Variants in EDC3 observed in about 807,000 individuals in gnomAD.
EDC3 encodes the protein enhancer of mRNA-decapping protein 3.
EDC3 carries 20 observed loss-of-function variants against 41.8 expected under a neutral mutation model. The ratio of observed to expected loss-of-function variants is 0.48; its 90% CI spans 0.34 to 0.70. The LOEUF is 0.70. Among genes scored for constraint, EDC3 ranks in the 30% least tolerant of loss-of-function variants. EDC3 has a pLI of 0.01. For missense variants in EDC3, 444 were observed against 636.8 expected (o/e 0.70, Z 3.26); for synonymous variants, 206 against 243.2 (o/e 0.85, Z 1.42).
chr15:74,654,755 G>A (rs749399926), intron 4 of EDC3, among the ~76,000 whole-genome samples: 2 of 150,470 alleles, frequency 1.3e-5, no homozygotes, highest in African/African-American at 2.4e-5. Flanking sequence ...TATACTCAGC[G>A]AAACCAAATA....
At chr15:74,669,261 T>C (rs1404535575) in intron 3 of EDC3, among the ~76,000 whole-genome samples, 1 of 151,374 alleles carries the variant, frequency 6.6e-6, no homozygotes, top group East Asian at 1.9e-4. Flanking sequence ...GAGAATCTTT[T>C]GAACCCAGGA....
At chr15:74,656,098 G>A in intron 3 of EDC3, 30 bp from the exon 4 acceptor site, 1 of 1,579,268 alleles carries the variant, frequency 6.3e-7, no homozygotes, top group Non-Finnish European at 8.6e-7. Context: ...TAAAGTCAGT[G>A]TATCCACAGA....
intron 4 of EDC3, among the ~76,000 whole-genome samples, chr15:74,649,017 C>T (rs989640039): frequency 1.5e-4 from 23 of 151,572 alleles, no homozygotes; most frequent in African/African-American, 3.9e-4. Context: ...CTGTGCCTCC[C>T]GAGTAGCTGG....
chr15:74,659,485 GAAAT>G (rs2062595314), intron 3 of EDC3, among the ~76,000 whole-genome samples: 1 of 21,116 alleles, frequency 4.7e-5, no homozygotes, highest in Non-Finnish European at 7.9e-5. Context: ...ATAAAAAATA[GAAAT>G]ATATATATAT....
Position 74,675,044 on chromosome 15 carries a change from A to G in EDC3, c.81T>C (p.Ala27=). The G allele has an allele frequency of 6.2e-7, 1 of 1,614,136 alleles. No homozygotes were observed. The highest frequency in any genetic ancestry group is 8.5e-7 in the Non-Finnish European group (1 of 1,180,034). ...SLGVYQGRVS[A]VDQVSQTISL... ...AAATGGTCTGGCTGACCTGATCCAC[A>G]GCTGACACTCTTCCCTGATAGACAC... The change falls in exon 2 of 7, where the codon GCT becomes GCC. Residue 27 remains alanine (A), a synonymous_variant. Coordinates refer to ENST00000315127, the MANE Select transcript of EDC3 (RefSeq NM_025083.5).
chr15:74,648,709 A>G (rs908402444), intron 4 of EDC3, among the ~76,000 whole-genome samples: 4 of 152,268 alleles, frequency 2.6e-5, no homozygotes, highest in African/African-American at 9.6e-5. Flanking sequence ...CCTAAATCTC[A>G]GCGCACAGTG....
At chr15:74,682,191 G>A (rs546560984) in intron 1 of EDC3, among the ~76,000 whole-genome samples, 14 of 152,184 alleles carry the variant, frequency 9.2e-5, no homozygotes, top group South Asian at 8.3e-4. Context: ...GTGTGGTGGC[G>A]CACACCTGTA....
intron 4 of EDC3, among the ~76,000 whole-genome samples, chr15:74,646,449 CTG>C (rs2062420281): frequency 6.6e-6 from 1 of 152,210 alleles, no homozygotes; most frequent in Non-Finnish European, 1.5e-5. Context: ...CAGCCTTAAA[CTG>C]TGTTATCCTG....
intron 6 of EDC3, chr15:74,635,014 C>T: frequency 4.3e-6 from 2 of 460,410 alleles, no homozygotes; most frequent in South Asian, 3.1e-5. Flanking sequence ...TCCAACATGC[C>T]TCCTTTCCCT....
intron 1 of EDC3, among the ~76,000 whole-genome samples, chr15:74,689,654 A>C (rs1021365950): frequency 1.3e-5 from 2 of 151,992 alleles, no homozygotes; most frequent in African/African-American, 4.8e-5. Context: ...CCTCCTGAGT[A>C]GCTGGGACTA....
chr15:74,663,443 T>A (rs1596318343), intron 3 of EDC3, among the ~76,000 whole-genome samples: 1 of 152,150 alleles, frequency 6.6e-6, no homozygotes, highest in African/African-American at 2.4e-5. Flanking sequence ...AAGCTGAGCA[T>A]CCCTAATCCA....
At chr15:74,633,211 T>C (rs1398160900) in intron 6 of EDC3, among the ~76,000 whole-genome samples, 63 of 152,356 alleles carry the variant, frequency 4.1e-4, no homozygotes, top group Non-Finnish European at 2.5e-4. Flanking sequence ...ATTGTCGTCC[T>C]GAGTGTGCAG....
At chr15:74,686,410 T>C (rs1475946911) in intron 1 of EDC3, among the ~76,000 whole-genome samples, 2 of 146,644 alleles carry the variant, frequency 1.4e-5, no homozygotes, top group African/African-American at 2.5e-5. Flanking sequence ...TCACTTGAAA[T>C]TGGGAGGCGA....
intron 4 of EDC3, chr15:74,644,307 CCCAA>C (rs2062387614): frequency 6.6e-6 from 1 of 152,264 alleles, no homozygotes; most frequent in South Asian, 2.1e-4. Flanking sequence ...CTTTCTCCAT[CCCAA>C]CACTTTATTC....
In EDC3 at chr15:74,640,172, T is replaced by C. The variant is rs2062331613; in HGVS notation, c.974+294A>G. 9.0e-6 allele frequency: 3 copies of C among 333,114 alleles called. No individual in the cohort carries two copies. The South Asian group carries it at 1.4e-4, about 15-fold the overall frequency. The allele number at this position is 333,114 out of a possible 1,614,324, so 20.6% of individuals were successfully genotyped here. ...GTGCCAAAGGCCAGGTCTCCGAAGGTTCCTAGAAGGAAGGCTTCTGATAGT... is the reference window on the plus strand; with the variant it reads ...GTGCCAAAGGCCAGGTCTCCGAAGGCTCCTAGAAGGAAGGCTTCTGATAGT... On this transcript the variant is annotated intron_variant, in intron 5 of 6. Transcript: ENST00000315127.
chr15:74,652,263 T>C (rs528665363), intron 4 of EDC3, among the ~76,000 whole-genome samples: 53 of 151,790 alleles, frequency 3.5e-4, no homozygotes, highest in African/African-American at 1.3e-3. Context: ...AGTCTCGCTC[T>C]GTCACCCAGG....
chr15:74,656,456 T>C (rs1395336433), intron 3 of EDC3, among the ~76,000 whole-genome samples: 4 of 149,468 alleles, frequency 2.7e-5, no homozygotes, highest in South Asian at 2.1e-4. Flanking sequence ...ACAACAAATA[T>C]TACCCAAGTA....
intron 4 of EDC3, among the ~76,000 whole-genome samples, chr15:74,654,175 C>T (rs951026965): frequency 6.6e-6 from 1 of 151,764 alleles, no homozygotes; most frequent in African/African-American, 2.4e-5. Context: ...ATCGCTTGAA[C>T]CCAGGAGGTG....
intron 1 of EDC3, among the ~76,000 whole-genome samples, chr15:74,694,211 T>C: frequency 6.6e-6 from 1 of 152,184 alleles, no homozygotes; most frequent in East Asian, 1.9e-4. Flanking sequence ...TTTTAAACAT[T>C]TTCTAATGTT....
Sources: gnomAD v4.1 joint callset for allele counts (sites outside exome capture counted in the v4.1 genomes callset) on GRCh38, gnomAD v4.1.1 for gene constraint, MANE v1.5 for transcripts, NCBI Gene and HGNC (gene_info 2026-07-23, HGNC 2026-07-21) for gene names.